FBXL4: variants seen among roughly 807,000 people sequenced by gnomAD.
FBXL4 encodes F-box and leucine rich repeat protein 4.
A neutral mutation model predicts 58.9 loss-of-function variants in FBXL4; 40 were observed. The ratio of observed to expected loss-of-function variants is 0.68; its 90% CI spans 0.53 to 0.88. FBXL4 has a LOEUF of 0.88. FBXL4 is among the 40% of genes least tolerant of loss of function. The pLI is 0.00. For missense variants in FBXL4, 676 were observed against 734.4 expected, an observed-to-expected ratio of 0.92 and a Z score of 0.92; for synonymous variants, 263 against 265.5, an observed-to-expected ratio of 0.99 and a Z score of 0.09.
At chr6:98,898,612 A>G in intron 7 of FBXL4, 2 of 948,474 alleles carry the variant, frequency 2.1e-6, no homozygotes, top group Non-Finnish European at 2.5e-6. Flanking sequence ...CTCAAAAAAG[A>G]AAAAAAAAAC....
intron 6 of FBXL4, among the ~76,000 whole-genome samples, chr6:98,900,246 C>A (rs2128389902): frequency 6.6e-6 from 1 of 152,204 alleles, no homozygotes; most frequent in Non-Finnish European, 1.5e-5. Flanking sequence ...TATTTGAATC[C>A]ATGAAACTTT....
intron 4 of FBXL4, among the ~76,000 whole-genome samples, chr6:98,922,538 G>A (rs1435151514): frequency 1.3e-5 from 2 of 152,288 alleles, no homozygotes; most frequent in South Asian, 2.1e-4. Flanking sequence ...CACTAAATGT[G>A]AGAATGCACA....
At chr6:98,946,764 G>A (rs901225454) in intron 1 of FBXL4, among the ~76,000 whole-genome samples, 7 of 152,152 alleles carry the variant, frequency 4.6e-5, no homozygotes, top group African/African-American at 1.7e-4. Flanking sequence ...TCCAATTCAA[G>A]GAACTTTTAG....
chr6:98,900,623 C>G (rs976856259), intron 6 of FBXL4, among the ~76,000 whole-genome samples: 2 of 152,152 alleles, frequency 1.3e-5, no homozygotes, highest in African/African-American at 4.8e-5. Flanking sequence ...GGGATTGAAG[C>G]TGAAATACTA....
intron 7 of FBXL4, among the ~76,000 whole-genome samples, chr6:98,893,328 G>A (rs1771292064): frequency 6.6e-6 from 1 of 152,160 alleles, no homozygotes; most frequent in South Asian, 2.1e-4. Context: ...CTGGAGGCTA[G>A]AAATCTGAGA....
intron 1 of FBXL4, among the ~76,000 whole-genome samples, chr6:98,936,742 T>C (rs942052840): frequency 1.3e-5 from 2 of 152,204 alleles, no homozygotes; most frequent in African/African-American, 2.4e-5. Flanking sequence ...CAGTCAACCA[T>C]AGGCTATTCA....
chr6:98,905,733 A>G (rs557267799), intron 5 of FBXL4, 63 bp from the exon 6 acceptor site: 40 of 1,514,816 alleles, frequency 2.6e-5, no homozygotes, highest in Admixed American at 1.8e-4. Flanking sequence ...TATGAAACAT[A>G]TAACATAATC....
chr6:98,879,547 T>C (rs892879443), intron 8 of FBXL4, among the ~76,000 whole-genome samples: 1 of 152,188 alleles, frequency 6.6e-6, no homozygotes, highest in Non-Finnish European at 1.5e-5. Flanking sequence ...TTTAACTCTT[T>C]CCATGAGCTC....
intron 1 of FBXL4, among the ~76,000 whole-genome samples, chr6:98,935,533 T>C (rs536887393): frequency 6.6e-6 from 1 of 152,180 alleles, no homozygotes; most frequent in South Asian, 2.1e-4. Context: ...CTCACGCCTG[T>C]AATCCCAGCA....
rs1056128102 is a variant in FBXL4 at position 98,871,254 on chromosome 6, A to G, written c.*3024T>C. ...AAGACTATTAAATTAGCCTTTTGGC[A>G]AGAATGGTTGCTTAAAGAATTGAGA... is the stretch of plus-strand genomic sequence containing the variant. On this transcript the variant is annotated 3_prime_UTR_variant, in exon 10 of 10. Coordinates refer to ENST00000369244, the MANE Select transcript of FBXL4 (RefSeq NM_001278716.2). The G allele has an allele frequency of 5.3e-5, 8 of 152,200 alleles. No individual in the cohort carries two copies. The highest frequency in any genetic ancestry group is 5.2e-4 in the Admixed American group (8 of 15,282). 9.4% of individuals were successfully genotyped at this position (152,200 alleles called of 1,614,324 possible).
At chr6:98,918,062 G>C (rs565811833) in intron 4 of FBXL4, among the ~76,000 whole-genome samples, 1 of 152,272 alleles carries the variant, frequency 6.6e-6, no homozygotes, top group South Asian at 2.1e-4. Flanking sequence ...AGCTCCCTGT[G>C]TGCATGGCTT....
rs781455701 is a variant in FBXL4 at position 98,917,566 on chromosome 6, T to G, written c.666A>C (p.Ala222=). 15 of 1,613,926 alleles carry G rather than the reference T, an allele frequency of 9.3e-6. No individual in the cohort carries two copies. The highest frequency in any genetic ancestry group is 1.3e-5 in the African/African-American group (1 of 74,926). ...SLLEYYTELD[A]VVLHGVKDKP... ...TGTCCTTCACACCATGTAGCACAAC[T>G]GCATCTAATTCAGTGTAATATTCCA... Residue 222 remains alanine, a synonymous_variant, in exon 5 of 10, where the codon GCA becomes GCC. Coordinates refer to ENST00000369244, the MANE Select transcript of FBXL4 (RefSeq NM_001278716.2).
chr6:98,944,545 C>G lies in FBXL4; in HGVS notation c.-309+3261G>C, dbSNP rs530940456. Among the ~76,000 whole-genome samples the G allele has an allele frequency of 2.1e-4, 32 of 152,184 alleles. No individual in the cohort carries two copies. The South Asian group carries it at 6.5e-3, about 31-fold the overall frequency. On this transcript the variant is annotated intron_variant, in intron 1 of 9. Transcript: ENST00000369244. ...AAAATTACTAAATATAAAAAATAAT[C>G]ATTTCATCTTAGCAGGCCTCTCAAG...
chr6:98,895,596 G>C (rs1447337909), intron 7 of FBXL4, among the ~76,000 whole-genome samples: 1 of 152,196 alleles, frequency 6.6e-6, no homozygotes, highest in Admixed American at 6.5e-5. Flanking sequence ...GCTTGTGCCA[G>C]CAGGCAATTT....
At chr6:98,942,312 A>G (rs561708608) in intron 1 of FBXL4, among the ~76,000 whole-genome samples, 6 of 152,168 alleles carry the variant, frequency 3.9e-5, no homozygotes, top group Non-Finnish European at 7.4e-5. Flanking sequence ...AAATTTTAAA[A>G]AATGGTTAGA....
chr6:98,920,039 A>C (rs913475179), intron 4 of FBXL4, among the ~76,000 whole-genome samples: 1 of 152,124 alleles, frequency 6.6e-6, no homozygotes, highest in African/African-American at 2.4e-5. Flanking sequence ...AAATATAATA[A>C]AGAAATAACC....
At chr6:98,878,453 T>C (rs980272842) in intron 8 of FBXL4, among the ~76,000 whole-genome samples, 2 of 152,072 alleles carry the variant, frequency 1.3e-5, no homozygotes, top group African/African-American at 4.8e-5. Flanking sequence ...GCAATCCTCC[T>C]ACATCAGCCT....
At chr6:98,897,052 T>C (rs1771434938) in intron 7 of FBXL4, 2 of 984,410 alleles carry the variant, frequency 2.0e-6, no homozygotes, top group African/African-American at 1.7e-5. Context: ...GCCTAGCAAG[T>C]TAATATTTTT....
intron 8 of FBXL4, 119 bp from the exon 9 acceptor site, chr6:98,875,846 C>T: frequency 1.0e-6 from 1 of 975,444 alleles, no homozygotes; most frequent in Admixed American, 2.3e-5. Flanking sequence ...AAATCCACAT[C>T]CTTGTTAATA....
Sources: allele counts gnomAD v4.1 joint callset (sites outside exome capture counted in the v4.1 genomes callset), GRCh38; gene constraint gnomAD v4.1.1; transcripts MANE v1.5; gene names NCBI Gene and HGNC (gene_info 2026-07-23, HGNC 2026-07-21).